TXNDC11: variants seen among roughly 807,000 people sequenced by gnomAD.
The protein encoded by TXNDC11 is thioredoxin domain containing 11, also known as thioredoxin domain-containing protein 11.
TXNDC11 carries 68 observed loss-of-function variants against 78.0 expected under a neutral mutation model. The ratio of observed to expected loss-of-function variants is 0.87; its 90% CI spans 0.72 to 1.07. The LOEUF is 1.07. TXNDC11 is among the 50% of genes least tolerant of loss of function. The probability of loss-of-function intolerance (pLI) is 0.00; values close to 1 mark genes in which losing one functional copy is unlikely to be tolerated. For synonymous variants in TXNDC11, 571 were observed against 495.2 expected, an observed-to-expected ratio of 1.15 and a Z score of -2.03; for missense variants, 1,389 against 1,221.8, an observed-to-expected ratio of 1.14 and a Z score of -2.04.
Position 11,679,422 on chromosome 16 carries a change from A to G in TXNDC11, c.2650T>C (p.Ser884Pro). 6.2e-7 allele frequency: 1 copy of G among 1,613,100 alleles called. No homozygotes were observed. Among genetic ancestry groups the G allele is most frequent in the South Asian group, 1.1e-5 (1 of 91,012 alleles). ...ARKLQELADASENLLTENTWL... is the reference protein window; with the variant it reads ...ARKLQELADAPENLLTENTWL... Reference sequence around the variant, plus strand: ...GTGTTCTCGGTAAGGAGGTTTTCTGAGGCATCGGCCAGCTCCTGCAGCTTG... The same window carrying G: ...GTGTTCTCGGTAAGGAGGTTTTCTGGGGCATCGGCCAGCTCCTGCAGCTTG... The change falls in exon 12 of 12, where the codon TCA becomes CCA. Residue 884 changes from serine (S) to proline (P), a missense_variant. Ser to Pro is a moderately conservative substitution (Grantham distance 74, BLOSUM62 -1). Coordinates refer to ENST00000283033, the MANE Select transcript of TXNDC11 (RefSeq NM_015914.7). The surrounding 1 kb of genome is among the most constrained non-coding windows in gnomAD (Gnocchi z 4.6).
At position 11,736,073 on chromosome 16, in the gene TXNDC11, G is replaced by A. The variant is rs746415863; in HGVS notation, c.415C>T (p.Gln139Ter). The A allele has an allele frequency of 1.1e-5, 17 of 1,614,162 alleles. No homozygotes were observed. Among genetic ancestry groups the A allele is most frequent in the Non-Finnish European group, 1.3e-5 (15 of 1,180,028 alleles). The change falls in exon 2 of 12, where the codon CAG becomes TAG. Residue 139 changes from glutamine to a stop codon, truncating the protein, a stop_gained. Coordinates refer to ENST00000283033, the MANE Select transcript of TXNDC11 (RefSeq NM_015914.7). LOFTEE classifies it high-confidence loss of function. ...ATTTCTGCCCTGGCAGCGATGGACT[G>A]TCCACACCAAGGGGCATAGAAGAAG... ...LLFFYAPWCG[Q>*]SIAARAEIEQ...
intron 5 of TXNDC11, among the ~76,000 whole-genome samples, chr16:11,718,308 A>G (rs934490092): frequency 2.0e-5 from 3 of 152,218 alleles, no homozygotes; most frequent in African/African-American, 7.2e-5. Context: ...AGGCATGTGT[A>G]TTGTATAAAT....
At chr16:11,734,871 T>C (rs2052174246) in intron 2 of TXNDC11, among the ~76,000 whole-genome samples, 1 of 152,184 alleles carries the variant, frequency 6.6e-6, no homozygotes, top group Admixed American at 6.5e-5. Context: ...GGGATGCTTT[T>C]GGCTTGCTAC....
Position 11,735,843 on chromosome 16 carries a change from G to A in TXNDC11, c.471+174C>T, listed in dbSNP as rs189482406. Among the ~76,000 whole-genome samples the A allele has an allele frequency of 8.7e-4, 132 of 152,240 alleles. 1 individual carries two copies. The highest frequency in any genetic ancestry group is 3.1e-3 in the African/African-American group (128 of 41,546). On this transcript the variant is annotated intron_variant, in intron 2 of 11. Transcript: ENST00000283033. ...CCCACACTTGCCTTGGAGTACAATC[G>A]CCACAATTGGAAATCCTTTCTGTTG...
In TXNDC11 at chr16:11,679,381, C is replaced by T; in HGVS notation, c.2691G>A (p.Leu897=). 1 of 1,611,318 alleles carries T rather than the reference C, an allele frequency of 6.2e-7. No homozygotes were observed. The highest frequency in any genetic ancestry group is 8.5e-7 in the Non-Finnish European group (1 of 1,178,872). The change falls in exon 12 of 12, where the codon CTG becomes CTA. Residue 897 remains leucine (L), a synonymous_variant. Transcript: ENST00000283033. This position sits in a 1 kb window ranked among gnomAD's most constrained non-coding sequence, Gnocchi z 4.6. ...CCAGTTTCCTCTCCATGGTCGCCAC[C>T]AGGATCTTGAGCCACGTGTTCTCGG... The part of the protein sequence containing the change: ...LLTENTWLKI[L]VATMERKLEG...
rs762542863 is a variant in TXNDC11 at position 11,679,835 on chromosome 16, T to C, written c.2237A>G (p.Lys746Arg). Residue 746 changes from lysine (K) to arginine (R), a missense_variant and splice_region_variant, in exon 12 of 12, where the codon AAG becomes AGG. Coordinates refer to ENST00000283033, the MANE Select transcript of TXNDC11 (RefSeq NM_015914.7). This position sits in a 1 kb window ranked among gnomAD's most constrained non-coding sequence, Gnocchi z 4.6. ...TTCGGGGTATTTCACACTTAGGTCC[T>C]TTCTGGAGAGAGAGGGAAAGGAAGC... is the stretch of plus-strand genomic sequence containing the variant. ...PTVLFFPCNR[K>R]DLSVKYPEDV... 1.9e-6 allele frequency: 3 copies of C among 1,605,352 alleles called. No individual in the cohort carries two copies. Among genetic ancestry groups the C allele is most frequent in the South Asian group, 1.1e-5 (1 of 90,764 alleles).
chr16:11,681,980 G>A (rs2050436830), intron 11 of TXNDC11, among the ~76,000 whole-genome samples: 1 of 152,248 alleles, frequency 6.6e-6, no homozygotes, highest in Non-Finnish European at 1.5e-5. Context: ...CTCCTCTGAA[G>A]TCATCAATGT....
At position 11,691,390 on chromosome 16, in the gene TXNDC11, C is replaced by T. The variant is rs199898179; in HGVS notation, c.1800G>A (p.Pro600=). ...FWLYAERLGA[P]SSTQVKEFAA... The stretch of plus-strand genomic sequence containing the variant: ...CAAATTCTTTCACCTGAGTGGAGCT[C>T]GGAGCACCCAGTCTCTCTGCATATA... The change falls in exon 8 of 12, where the codon CCG becomes CCA. Residue 600 remains proline (P), a synonymous_variant. Transcript: ENST00000283033. 1.6e-4 allele frequency: 259 copies of T among 1,614,148 alleles called. No homozygotes were observed. Among genetic ancestry groups the T allele is most frequent in the Middle Eastern group, 9.9e-4 (6 of 6,062 alleles).
At chr16:11,695,493 A>G (rs1490950018) in intron 7 of TXNDC11, among the ~76,000 whole-genome samples, 1 of 152,226 alleles carries the variant, frequency 6.6e-6, no homozygotes, top group Non-Finnish European at 1.5e-5. Context: ...TTCGTGGTCA[A>G]CAAGCTAATG....
Position 11,704,862 on chromosome 16 carries a change from G to C in TXNDC11, c.794-4298C>G, listed in dbSNP as rs150215571. On this transcript the variant is annotated intron_variant, in intron 5 of 11. Coordinates refer to ENST00000283033, the MANE Select transcript of TXNDC11 (RefSeq NM_015914.7). ...GTGGAAACATGGAGACAATTCAAAT[G>C]AGGTCTGCAGTTTAGTGAATAGGAC... Among the ~76,000 whole-genome samples the C allele has an allele frequency of 2.1e-3, 325 of 151,934 alleles. 1 individual carries two copies. The highest frequency in any genetic ancestry group is 7.4e-3 in the African/African-American group (305 of 41,474).
intron 4 of TXNDC11, among the ~76,000 whole-genome samples, chr16:11,729,021 A>C (rs909167959): frequency 6.6e-6 from 1 of 152,090 alleles, no homozygotes; most frequent in Non-Finnish European, 1.5e-5. Flanking sequence ...TCAATCAATC[A>C]ATCAATCAAT....
At chr16:11,703,624 C>G in intron 5 of TXNDC11, 1 of 698,508 alleles carries the variant, frequency 1.4e-6, no homozygotes, top group Non-Finnish European at 2.6e-6. Flanking sequence ...GTTCTATCTA[C>G]TGAGAAGACC....
chr16:11,718,110 G>A (rs986083233), intron 5 of TXNDC11, among the ~76,000 whole-genome samples: 1 of 152,144 alleles, frequency 6.6e-6, no homozygotes, highest in African/African-American at 2.4e-5. Context: ...CCCAAGCCTC[G>A]CATGCTGGGG....
chr16:11,698,907 C>T (rs777040788), intron 6 of TXNDC11, among the ~76,000 whole-genome samples: 4 of 152,184 alleles, frequency 2.6e-5, no homozygotes, highest in Non-Finnish European at 4.4e-5. Context: ...CACAAGGCCA[C>T]GGATCATATT....
chr16:11,712,611 G>A (rs759465768), intron 5 of TXNDC11, among the ~76,000 whole-genome samples: 9 of 152,016 alleles, frequency 5.9e-5, no homozygotes, highest in Non-Finnish European at 7.4e-5. Flanking sequence ...CTAACCTCAC[G>A]TGCTGAGAGG....
At chr16:11,710,802 G>T (rs760639542) in intron 5 of TXNDC11, among the ~76,000 whole-genome samples, 3 of 152,196 alleles carry the variant, frequency 2.0e-5, no homozygotes, top group Non-Finnish European at 4.4e-5. Context: ...GCAACAGAGT[G>T]AGACCCTGTC....
At chr16:11,696,178 T>C (rs2142005364) in intron 7 of TXNDC11, among the ~76,000 whole-genome samples, 1 of 152,254 alleles carries the variant, frequency 6.6e-6, no homozygotes, top group Admixed American at 6.5e-5. Context: ...GCCTCCTTCC[T>C]AACACCTAAA....
At position 11,697,955 on chromosome 16, in the gene TXNDC11, G is replaced by A. The variant is rs545177956; in HGVS notation, c.1107+170C>T. Reference sequence around the variant, plus strand: ...CTGCGGCAGTCCCTGTCCTAGACACGGGCTCTCTCCTGCCCATATGGAGGG... The same window carrying A: ...CTGCGGCAGTCCCTGTCCTAGACACAGGCTCTCTCCTGCCCATATGGAGGG... On this transcript the variant is annotated intron_variant, in intron 7 of 11. Transcript: ENST00000283033. 2.1e-4 allele frequency among the ~76,000 whole-genome samples: 32 copies of A among 152,306 alleles called. No homozygotes were observed. In the East Asian group the frequency reaches 2.5e-3, roughly 12 times the overall value.
intron 1 of TXNDC11, among the ~76,000 whole-genome samples, chr16:11,739,661 T>C (rs77411065): frequency 0.069 from 10,483 of 152,114 alleles, 486 homozygotes; most frequent in South Asian, 0.18. Flanking sequence ...TACATACATA[T>C]GTATCTACAC....
Sources: allele counts gnomAD v4.1 joint callset (sites outside exome capture counted in the v4.1 genomes callset), GRCh38; gene constraint gnomAD v4.1.1; non-coding constraint Gnocchi (gnomAD v3.1); transcripts MANE v1.5; gene names NCBI Gene and HGNC (gene_info 2026-07-23, HGNC 2026-07-21).